Variants in CYP2R1 observed in about 807,000 individuals in gnomAD.
CYP2R1 encodes the protein vitamin D 25-hydroxylase.
Under a neutral mutation model 45.7 loss-of-function variants are expected in CYP2R1, and 40 were observed. The ratio of observed to expected loss-of-function variants is 0.87; its 90% CI spans 0.68 to 1.14. The LOEUF is 1.14. CYP2R1 is among the 50% of genes most tolerant of loss of function. The probability of loss-of-function intolerance (pLI) is 0.00; values close to 1 mark genes in which losing one functional copy is unlikely to be tolerated. For synonymous variants in CYP2R1, 234 were observed against 219.3 expected (o/e 1.07, Z -0.59); for missense variants, 605 against 602.6 (o/e 1.00, Z -0.04).
chr11:14,880,503 A>T lies in CYP2R1; in HGVS notation c.633T>A (p.Ile211=). The T allele has an allele frequency of 1.2e-6, 2 of 1,613,492 alleles. No homozygotes were observed. The highest frequency in any genetic ancestry group is 2.2e-5 in the South Asian group (2 of 91,066). Reference sequence around the variant, plus strand: ...GTTCCACATTTTCACTAAATAACTCAATCATGTGCTGAAAATCGGTGTCTT... The same window carrying T: ...GTTCCACATTTTCACTAAATAACTCTATCATGTGCTGAAAATCGGTGTCTT... ...TYEDTDFQHM[I]ELFSENVELA... The change falls in exon 3 of 5, where the codon ATT becomes ATA. Residue 211 remains isoleucine (I), a synonymous_variant. Transcript: ENST00000334636.
intron 2 of CYP2R1, among the ~76,000 whole-genome samples, chr11:14,881,341 T>A (rs1848379353): frequency 6.6e-6 from 1 of 152,078 alleles, no homozygotes; most frequent in South Asian, 2.1e-4. Context: ...AAGCTCAAAC[T>A]TTTCTAATGC....
At chr11:14,880,848 G>T in intron 2 of CYP2R1, 80 bp from the exon 3 acceptor site, 1 of 1,359,594 alleles carries the variant, frequency 7.4e-7, no homozygotes, top group South Asian at 1.4e-5. Flanking sequence ...TTTTTTTAAT[G>T]GATGGTTAGT....
chr11:14,882,746 T>C (rs567615810), intron 2 of CYP2R1, among the ~76,000 whole-genome samples: 15 of 152,276 alleles, frequency 9.9e-5, no homozygotes, highest in Admixed American at 4.6e-4. Flanking sequence ...TCAAATTGTC[T>C]CTGTTTGCAG....
At chr11:14,884,899 T>G (rs1462873830) in intron 2 of CYP2R1, among the ~76,000 whole-genome samples, 3 of 152,058 alleles carry the variant, frequency 2.0e-5, no homozygotes, top group Non-Finnish European at 4.4e-5. Context: ...TGTGGCTGCT[T>G]CTTTGGTCTA....
At chr11:14,891,787 C>G in intron 1 of CYP2R1, 194 bp downstream of exon 1, 12 of 1,402,228 alleles carry the variant, frequency 8.6e-6, no homozygotes, top group Non-Finnish European at 1.0e-5. Context: ...GCGGGGCTCC[C>G]CCTGCAAGGG....
At chr11:14,891,935 G>C (rs371562256) in intron 1 of CYP2R1, 46 bp downstream of exon 1, 1 of 1,596,224 alleles carries the variant, frequency 6.3e-7, no homozygotes, top group East Asian at 2.3e-5. Context: ...GGCCAGCCCG[G>C]GCCAGCCTGG....
intron 3 of CYP2R1, among the ~76,000 whole-genome samples, chr11:14,879,934 T>C (rs781797415): frequency 2.6e-5 from 4 of 152,118 alleles, no homozygotes; most frequent in Admixed American, 6.6e-5. Context: ...ATGGGCATAA[T>C]AAGACCTCTT....
In CYP2R1 at chr11:14,879,324, T is replaced by C. The variant is rs782753198; in HGVS notation, c.1120A>G (p.Ile374Val). Reference sequence around the variant, plus strand: ...GCATGGAAAATCCCTAATGGAACTATATTACAGAATCTTAAAACTTCATGC... The same window carrying C: ...GCATGGAAAATCCCTAATGGAACTACATTACAGAATCTTAAAACTTCATGC... Reference protein sequence around the residue: ...VLHEVLRFCNIVPLGIFHATS... With the variant: ...VLHEVLRFCNVVPLGIFHATS... The change falls in exon 4 of 5, where the codon ATA (isoleucine) becomes GTA (valine). Residue 374 changes from isoleucine (I) to valine (V), a missense_variant. Ile to Val is a conservative substitution (Grantham distance 29). Coordinates refer to ENST00000334636, the MANE Select transcript of CYP2R1 (RefSeq NM_024514.5). The C allele has an allele frequency of 2.5e-6, 4 of 1,612,930 alleles. No individual in the cohort carries two copies. The South Asian group carries it at 3.3e-5, about 13-fold the overall frequency.
intron 2 of CYP2R1, 48 bp from the exon 3 acceptor site, chr11:14,880,816 T>C (rs782012468): frequency 6.5e-7 from 1 of 1,538,584 alleles, no homozygotes; most frequent in East Asian, 2.4e-5. Flanking sequence ...TCTCTGTATC[T>C]AAAAAATGAA....
intron 1 of CYP2R1, chr11:14,891,194 A>G (rs1391786850): frequency 2.0e-6 from 2 of 985,232 alleles, no homozygotes; most frequent in Non-Finnish European, 2.4e-6. Flanking sequence ...GTCACAGGGC[A>G]TTTCCGTGCT....
Position 14,890,720 on chromosome 11 carries a change from G to A in CYP2R1, c.225+1261C>T, listed in dbSNP as rs1268487. On this transcript the variant is annotated intron_variant, in intron 1 of 4. Transcript: ENST00000334636. ...CGCCACCACGCCCGGCTAATTTTTTGTATTCTTTTAGTAGAGATGGGGTTT... is the reference window on the plus strand; with the variant it reads ...CGCCACCACGCCCGGCTAATTTTTTATATTCTTTTAGTAGAGATGGGGTTT... Among the ~76,000 whole-genome samples, 1,141 of 151,666 alleles carry A rather than the reference G, an allele frequency of 7.5e-3. 17 individuals carry two copies. The highest frequency in any genetic ancestry group is 0.026 in the African/African-American group (1,095 of 41,350).
rs782250434 is a variant in CYP2R1 at position 14,880,177 on chromosome 11, C to T, written c.959G>A (p.Arg320Gln). Residue 320 changes from arginine (R) to glutamine (Q), a missense_variant, in exon 3 of 5, where the codon CGG becomes CAG. Physicochemically the swap from Arg to Gln is conservative, Grantham distance 43. Coordinates refer to ENST00000334636, the MANE Select transcript of CYP2R1 (RefSeq NM_024514.5). ...AAGGGCCATGAAAAGAATCGCCCAC[C>T]GTAGCACATTGGTTGTAGTTTCAGT... ...AGTETTTNVLRWAILFMALYP... is the reference protein window; with the variant it reads ...AGTETTTNVLQWAILFMALYP... 1.9e-5 allele frequency: 30 copies of T among 1,612,664 alleles called. No individual in the cohort carries two copies. Among genetic ancestry groups the T allele is most frequent in the East Asian group, 4.5e-5 (2 of 44,856 alleles).
At chr11:14,892,276 T>A, upstream of CYP2R1, 1 of 1,429,098 alleles carries the variant, frequency 7.0e-7, no homozygotes, top group African/African-American at 1.4e-5. Context: ...CCTGCCATAC[T>A]CCCATTGGCA....
chr11:14,892,216 T>C lies in CYP2R1; in HGVS notation c.-11A>G. On this transcript the variant is annotated 5_prime_UTR_variant, in exon 1 of 5. Coordinates refer to ENST00000334636, the MANE Select transcript of CYP2R1 (RefSeq NM_024514.5). ...CCAAAGCTTCCACATCGGCCCGAGC[T>C]GGAGGTGCGAACTCCACAGCAGCCC... 1 of 1,607,758 alleles carries C rather than the reference T, an allele frequency of 6.2e-7. No individual in the cohort carries two copies.
chr11:14,891,092 G>A, intron 1 of CYP2R1: 1 of 985,384 alleles, frequency 1.0e-6, no homozygotes, highest in Non-Finnish European at 1.2e-6. Context: ...AAACAAAACA[G>A]GTGAGCTCTG....
Position 14,892,173 on chromosome 11 carries a change from C to T in CYP2R1, c.33G>A (p.Ala11=). MWKLWRAEEG[A]AALGGALFLL... ...GGAAGAGCGCGCCGCCGAGCGCCGC[C>T]GCGCCCTCTTCAGCTCTCCAAAGCT... Residue 11 remains alanine (A), a synonymous_variant, in exon 1 of 5, where the codon GCG becomes GCA. Transcript: ENST00000334636. The T allele has an allele frequency of 6.2e-7, 1 of 1,610,782 alleles. No homozygotes were observed. Among genetic ancestry groups the T allele is most frequent in the Non-Finnish European group, 8.5e-7 (1 of 1,179,814 alleles).
rs553141666 is a variant in CYP2R1 at position 14,891,532 on chromosome 11, G to A, written c.225+449C>T. ...GTCGACTGCAGACACCGAAGAACCTGCTATTAACCATCTAGAACTCAGAAC... is the reference window on the plus strand; with the variant it reads ...GTCGACTGCAGACACCGAAGAACCTACTATTAACCATCTAGAACTCAGAAC... On this transcript the variant is annotated intron_variant, in intron 1 of 4. Transcript: ENST00000334636. 1.3e-4 allele frequency: 134 copies of A among 1,006,028 alleles called. 1 individual carries two copies. In the African/African-American group the frequency reaches 2.3e-3, roughly 17 times the overall value. The allele number at this position is 1,006,028 out of a possible 1,614,324, so 62.3% of individuals were successfully genotyped here. A position where few individuals can be genotyped will look rare whatever the true frequency, so the allele number is the denominator to read the frequency against.
intron 1 of CYP2R1, chr11:14,890,602 A>G (rs1159969218): frequency 3.0e-5 from 6 of 202,258 alleles, no homozygotes; most frequent in African/African-American, 6.3e-5. Context: ...GCTGGAGTGC[A>G]GTGGCGCGAT....
chr11:14,881,064 C>T (rs1848365651), intron 2 of CYP2R1, among the ~76,000 whole-genome samples: 1 of 152,006 alleles, frequency 6.6e-6, no homozygotes, highest in African/African-American at 2.4e-5. Context: ...ACTATATTAT[C>T]CAACTTTTAC....
Sources: allele counts gnomAD v4.1 joint callset (sites outside exome capture counted in the v4.1 genomes callset), GRCh38; gene constraint gnomAD v4.1.1; transcripts MANE v1.5; gene names NCBI Gene and HGNC (gene_info 2026-07-23, HGNC 2026-07-21).